The following ATL2 variants were observed in gnomAD, a reference collection of about 807,000 sequenced individuals.
ATL2 encodes atlastin-2.
ATL2 carries 31 observed loss-of-function variants against 73.9 expected under a neutral mutation model. The ratio of observed to expected loss-of-function variants is 0.42; its 90% CI spans 0.32 to 0.57. ATL2 has a LOEUF of 0.57. ATL2 is among the 20% of genes least tolerant of loss of function. The probability of loss-of-function intolerance (pLI) is 0.14; values close to 1 mark genes in which losing one functional copy is unlikely to be tolerated. For missense variants in ATL2, 738 were observed against 702.6 expected (o/e 1.05, Z -0.57); for synonymous variants, 291 against 237.5 (o/e 1.23, Z -2.07).
At chr2:38,300,172 A>T in intron 10 of ATL2, 100 bp downstream of exon 10, 1 of 1,064,268 alleles carries the variant, frequency 9.4e-7, no homozygotes. Context: ...GCATGCAAAA[A>T]AGCACCCCCC....
chr2:38,320,654 C>T (rs1054684441), intron 2 of ATL2, among the ~76,000 whole-genome samples: 2 of 152,076 alleles, frequency 1.3e-5, no homozygotes, highest in African/African-American at 4.8e-5. Context: ...ATACTTAAAG[C>T]CCACATAGCC....
In ATL2 at chr2:38,298,715, G is replaced by A. The variant is rs1667035666; in HGVS notation, c.1201-140C>T. ...TTAAACTCACTTACAATACCTCACA[G>A]GTTATCATAATCTAGTTATTGTTTA... is the stretch of plus-strand genomic sequence containing the variant. On this transcript the variant is annotated intron_variant, in intron 11 of 12. Transcript: ENST00000378954. 1.3e-5 allele frequency: 11 copies of A among 829,484 alleles called. No individual in the cohort carries two copies. In the East Asian group the frequency reaches 2.6e-4, roughly 19 times the overall value. 51.4% of individuals were successfully genotyped at this position (829,484 alleles called of 1,614,324 possible).
chr2:38,322,196 A>AG (rs1327341908), intron 2 of ATL2, among the ~76,000 whole-genome samples: 1 of 152,090 alleles, frequency 6.6e-6, no homozygotes, highest in African/African-American at 2.4e-5. Flanking sequence ...ATGTCAAAAA[A>AG]AAAAAAATCT....
chr2:38,297,946 G>A, intron 12 of ATL2, 198 bp downstream of exon 12: 1 of 569,654 alleles, frequency 1.8e-6, no homozygotes, highest in South Asian at 2.4e-5. Flanking sequence ...TACAGATTTA[G>A]GCTAACCAAA....
intron 1 of ATL2, among the ~76,000 whole-genome samples, chr2:38,356,720 C>T (rs950571467): frequency 1.3e-5 from 2 of 152,166 alleles, no homozygotes; most frequent in African/African-American, 4.8e-5. Flanking sequence ...ACTAACAAAA[C>T]TGTTAATGTA....
chr2:38,299,280 A>T lies in ATL2; in HGVS notation c.1176T>A (p.Asp392Glu), dbSNP rs756496636. The T allele has an allele frequency of 3.3e-6, 5 of 1,520,054 alleles. No individual in the cohort carries two copies. The Admixed American group carries it at 7.6e-5, about 23-fold the overall frequency. The allele number at this position is 1,520,054 out of a possible 1,614,324, so 94.2% of individuals were successfully genotyped here. Residue 392 changes from aspartate to glutamate, a missense_variant, in exon 11 of 13, where the codon GAT becomes GAA. Transcript: ENST00000378954. ...CCTGTTCCATACTTTTACAATAGGT[A>T]TCTCTTGCTCCTGCTACTGCAGCAA... is the stretch of plus-strand genomic sequence containing the variant. ...NNLAAVAGAR[D>E]TYCKSMEQVC...
chr2:38,328,046 G>A (rs1379418856), intron 2 of ATL2, among the ~76,000 whole-genome samples: 5 of 152,120 alleles, frequency 3.3e-5, no homozygotes, highest in African/African-American at 1.2e-4. Flanking sequence ...TAAAGGTATG[G>A]GAAAAACATA....
intron 1 of ATL2, among the ~76,000 whole-genome samples, chr2:38,367,249 C>A (rs1458289037): frequency 6.6e-6 from 1 of 151,934 alleles, no homozygotes; most frequent in African/African-American, 2.4e-5. Context: ...CTACTAGGCA[C>A]TGAAACAGAT....
At chr2:38,311,001 A>C (rs1195886869) in intron 7 of ATL2, among the ~76,000 whole-genome samples, 1 of 152,212 alleles carries the variant, frequency 6.6e-6, no homozygotes, top group Non-Finnish European at 1.5e-5. Context: ...ACTACAAATA[A>C]GGTAGTTAAT....
chr2:38,329,449 A>G (rs1472157927), intron 2 of ATL2, among the ~76,000 whole-genome samples: 3 of 149,106 alleles, frequency 2.0e-5, no homozygotes, highest in Non-Finnish European at 3.0e-5. Context: ...AAAAAAAAAA[A>G]AAGATCAATA....
chr2:38,364,594 C>T (rs954728094), intron 1 of ATL2, among the ~76,000 whole-genome samples: 3 of 152,198 alleles, frequency 2.0e-5, no homozygotes, highest in Admixed American at 6.5e-5. Context: ...CCTTATAAAA[C>T]GACAATGTAC....
chr2:38,377,243 C>T lies in ATL2; in HGVS notation c.18G>A (p.Glu6=). ...GGTGCGGTTGCTGCCCTCGCGCTGC[C>T]TCGTCCCCCTCCGCCATCTTGTACC... MAEGD[E]AARGQQPHQG... Residue 6 remains glutamate (E), a synonymous_variant, in exon 1 of 13, where the codon GAG becomes GAA. Transcript: ENST00000378954. 6 of 1,593,672 alleles carry T rather than the reference C, an allele frequency of 3.8e-6. No individual in the cohort carries two copies. Among genetic ancestry groups the T allele is most frequent in the East Asian group, 2.3e-5 (1 of 43,958 alleles).
At chr2:38,318,293 C>T (rs938463892) in intron 4 of ATL2, 2 of 305,268 alleles carry the variant, frequency 6.6e-6, no homozygotes, top group African/African-American at 2.2e-5. Context: ...GCCTGCCCAA[C>T]GTGGTGAAAC....
intron 2 of ATL2, among the ~76,000 whole-genome samples, chr2:38,339,973 G>T (rs758714893): frequency 6.6e-6 from 1 of 152,154 alleles, no homozygotes; most frequent in Non-Finnish European, 1.5e-5. Context: ...TTACAGGCGT[G>T]AGCCCCAACA....
At position 38,359,770 on chromosome 2, in the gene ATL2, T is replaced by C. The variant is rs143302539; in HGVS notation, c.119-16258A>G. On this transcript the variant is annotated intron_variant, in intron 1 of 12. Coordinates refer to ENST00000378954, the MANE Select transcript of ATL2 (RefSeq NM_001135673.4). ...ACTCAAAAGTATTTTTCCCCAAAGT[T>C]TGTCATCAAATATTACCCAGTTCTT... 2.0e-4 allele frequency among the ~76,000 whole-genome samples: 31 copies of C among 152,250 alleles called. No individual in the cohort carries two copies. In the East Asian group the frequency reaches 4.4e-3, roughly 22 times the overall value.
At chr2:38,315,240 A>G (rs1255304194) in intron 5 of ATL2, 44 bp downstream of exon 5, 1 of 1,428,356 alleles carries the variant, frequency 7.0e-7, no homozygotes, top group Non-Finnish European at 9.1e-7. Context: ...AACAAGAGCG[A>G]AACTCCATCT....
chr2:38,325,681 C>CCA (rs1668584046), intron 2 of ATL2, among the ~76,000 whole-genome samples: 1 of 77,516 alleles, frequency 1.3e-5, no homozygotes, highest in African/African-American at 1.2e-4. Context: ...CACACACACA[C>CCA]ACACACACAC....
chr2:38,308,123 A>T (rs1667550769), intron 9 of ATL2, among the ~76,000 whole-genome samples: 1 of 152,196 alleles, frequency 6.6e-6, no homozygotes, highest in South Asian at 2.1e-4. Flanking sequence ...CAAAAGAAAA[A>T]AATCAGTATA....
intron 2 of ATL2, among the ~76,000 whole-genome samples, chr2:38,321,050 G>A (rs890444595): frequency 2.0e-5 from 3 of 152,126 alleles, no homozygotes; most frequent in Admixed American, 6.5e-5. Flanking sequence ...AGCTACTTGG[G>A]AGGCTGAGGG....
Sources: allele counts gnomAD v4.1 joint callset (sites outside exome capture counted in the v4.1 genomes callset), GRCh38; gene constraint gnomAD v4.1.1; transcripts MANE v1.5; gene names NCBI Gene and HGNC (gene_info 2026-07-23, HGNC 2026-07-21).